The following MYBPC1 variants were observed in gnomAD, a reference collection of about 807,000 sequenced individuals.
The protein encoded by MYBPC1 is myosin binding protein C1.
Under a neutral mutation model 147.1 loss-of-function variants are expected in MYBPC1, and 52 were observed. That is an observed-to-expected ratio of 0.35 (90% CI 0.28 to 0.45). MYBPC1 has a LOEUF of 0.45. Ranked by LOEUF, MYBPC1 falls within the 20% of genes least tolerant of loss-of-function variation. MYBPC1 has a pLI of 1.00. For missense variants in MYBPC1, 1,228 were observed against 1,440.3 expected (o/e 0.85, Z 2.39); for synonymous variants, 477 against 475.9 (o/e 1.00, Z -0.03).
At chr12:101,674,899 T>G (rs968683685) in intron 25 of MYBPC1, among the ~76,000 whole-genome samples, 1 of 144,558 alleles carries the variant, frequency 6.9e-6, no homozygotes, top group Non-Finnish European at 1.5e-5. Flanking sequence ...AGAAAGAAAT[T>G]TAAGAGCAGA....
chr12:101,653,260 G>A lies in MYBPC1; in HGVS notation c.1767+12G>A, dbSNP rs1894886383. 1 of 1,613,184 alleles carries A rather than the reference G, an allele frequency of 6.2e-7. No individual in the cohort carries two copies. The highest frequency in any genetic ancestry group is 8.5e-7 in the Non-Finnish European group (1 of 1,179,982). On this transcript the variant is annotated intron_variant, in intron 18 of 31. Transcript: ENST00000361466. ...GCCGGGGAGATAAGGTTTGTTTTATGCTTGCACACACTCACATGCACACAC... is the reference window on the plus strand; with the variant it reads ...GCCGGGGAGATAAGGTTTGTTTTATACTTGCACACACTCACATGCACACAC...
chr12:101,678,349 G>T, intron 28 of MYBPC1, 111 bp downstream of exon 28: 1 of 1,478,278 alleles, frequency 6.8e-7, no homozygotes, highest in South Asian at 1.1e-5. Context: ...TTCCCAGGAT[G>T]GGGGATTAGA....
At chr12:101,646,272 A>T (rs10778133) in intron 12 of MYBPC1, among the ~76,000 whole-genome samples, 73,782 of 151,912 alleles carry the variant, frequency 0.49, 18,307 homozygotes, top group Middle Eastern at 0.7. Context: ...TTATACATTA[A>T]GTATTATAAA....
At chr12:101,655,278 G>A (rs1895344639) in intron 18 of MYBPC1, among the ~76,000 whole-genome samples, 1 of 152,048 alleles carries the variant, frequency 6.6e-6, no homozygotes. Context: ...AAAGTGAACT[G>A]AAATGGAAAA....
intron 10 of MYBPC1, 109 bp from the exon 11 acceptor site, chr12:101,642,310 A>T: frequency 8.3e-7 from 1 of 1,205,902 alleles, no homozygotes; most frequent in Non-Finnish European, 1.2e-6. Context: ...CTCAGGCTTT[A>T]AACAGAGCTT....
chr12:101,659,597 T>C, intron 18 of MYBPC1, 75 bp from the exon 19 acceptor site: 2 of 1,516,576 alleles, frequency 1.3e-6, no homozygotes, highest in Non-Finnish European at 1.8e-6. Context: ...GCTGAATTGC[T>C]CAATTTATAG....
chr12:101,663,023 G>C (rs1441075399), intron 21 of MYBPC1, among the ~76,000 whole-genome samples: 1 of 150,088 alleles, frequency 6.7e-6, no homozygotes, highest in African/African-American at 2.4e-5. Context: ...GTTCAGTGAA[G>C]GCAAAAAAAA....
At chr12:101,628,037 T>C in intron 5 of MYBPC1, 1 of 493,774 alleles carries the variant, frequency 2.0e-6, no homozygotes, top group South Asian at 2.2e-5. Flanking sequence ...GTTTGTTCTA[T>C]CATTTTTAAT....
intron 1 of MYBPC1, among the ~76,000 whole-genome samples, chr12:101,598,578 T>C (rs1440637250): frequency 6.6e-6 from 1 of 152,136 alleles, no homozygotes; most frequent in Non-Finnish European, 1.5e-5. Context: ...TTTTTATTTA[T>C]TTTTTATCTT....
chr12:101,681,897 C>T (rs77959534), intron 29 of MYBPC1, among the ~76,000 whole-genome samples: 1,842 of 152,032 alleles, frequency 0.012, 21 homozygotes, highest in Non-Finnish European at 0.019. Flanking sequence ...GCGTGAGCCA[C>T]TGCACCCAGC....
chr12:101,654,998 C>G (rs775893939), intron 18 of MYBPC1, among the ~76,000 whole-genome samples: 2 of 152,138 alleles, frequency 1.3e-5, no homozygotes, highest in Admixed American at 6.5e-5. Context: ...CCCAACATGA[C>G]AAAATTAGCA....
At chr12:101,681,910 C>T (rs1487570922) in intron 29 of MYBPC1, among the ~76,000 whole-genome samples, 1 of 151,830 alleles carries the variant, frequency 6.6e-6, no homozygotes, top group Non-Finnish European at 1.5e-5. Flanking sequence ...CACCCAGCTG[C>T]TTTCCTCTTA....
At chr12:101,615,872 GTTTTTCT>G (rs914664700) in intron 2 of MYBPC1, among the ~76,000 whole-genome samples, 3 of 151,922 alleles carry the variant, frequency 2.0e-5, no homozygotes, top group Non-Finnish European at 4.4e-5. Context: ...CCTGGAGATC[GTTTTTCT>G]TTTTTCTTTG....
intron 30 of MYBPC1, 112 bp downstream of exon 30, chr12:101,682,774 C>A (rs1242283289): frequency 5.0e-6 from 5 of 1,006,532 alleles, no homozygotes. Context: ...TAATTGTACC[C>A]CTTAGCAGCT....
intron 22 of MYBPC1, among the ~76,000 whole-genome samples, chr12:101,665,898 T>A (rs1897325618): frequency 6.6e-6 from 1 of 152,244 alleles, no homozygotes; most frequent in African/African-American, 2.4e-5. Flanking sequence ...GGAATTTTTA[T>A]TCTCCACATG....
chr12:101,614,197 C>A (rs542303325), intron 1 of MYBPC1, among the ~76,000 whole-genome samples: 86 of 152,290 alleles, frequency 5.6e-4, no homozygotes, highest in African/African-American at 1.9e-3. Context: ...CAAGGACACT[C>A]GGATCCCCAT....
intron 1 of MYBPC1, among the ~76,000 whole-genome samples, chr12:101,604,222 A>C (rs571418271): frequency 6.6e-5 from 10 of 152,282 alleles, no homozygotes; most frequent in Non-Finnish European, 1.5e-5. Flanking sequence ...ACCATATTTT[A>C]ATCCTCTTCC....
intron 1 of MYBPC1, among the ~76,000 whole-genome samples, 187 bp from the exon 2 acceptor site, chr12:101,614,309 G>GGTGT (rs375041033): frequency 6.6e-6 from 1 of 151,100 alleles, no homozygotes; most frequent in South Asian, 2.1e-4. Context: ...GATGCAGTAG[G>GGTGT]GTGTGTGTGT....
chr12:101,612,021 G>T (rs1324008706), intron 1 of MYBPC1, among the ~76,000 whole-genome samples: 1 of 149,930 alleles, frequency 6.7e-6, no homozygotes, highest in Non-Finnish European at 1.5e-5. Context: ...ACGTTGCAGT[G>T]AGCCAAGGTC....
Sources: gnomAD v4.1 joint callset for allele counts (sites outside exome capture counted in the v4.1 genomes callset) on GRCh38, gnomAD v4.1.1 for gene constraint, MANE v1.5 for transcripts, NCBI Gene and HGNC (gene_info 2026-07-23, HGNC 2026-07-21) for gene names.